ANO4: variants seen among roughly 807,000 people sequenced by gnomAD.
ANO4 encodes anoctamin 4, also known as anoctamin-4.
Under a neutral mutation model 141.9 loss-of-function variants are expected in ANO4, and 69 were observed. The ratio of observed to expected loss-of-function variants is 0.49; its 90% CI spans 0.40 to 0.59. The LOEUF is 0.59. Ranked by LOEUF, ANO4 falls within the 20% of genes least tolerant of loss-of-function variation. The pLI is 0.00. For missense variants in ANO4, 894 were observed against 1,162.2 expected, an observed-to-expected ratio of 0.77 and a Z score of 3.36; for synonymous variants, 350 against 394.3, an observed-to-expected ratio of 0.89 and a Z score of 1.33.
At chr12:100,946,660 T>C (rs2042736583) in intron 5 of ANO4, among the ~76,000 whole-genome samples, 1 of 152,112 alleles carries the variant, frequency 6.6e-6, no homozygotes, top group African/African-American at 2.4e-5. Context: ...CCAATGGAGA[T>C]GTTGGGTAAG....
chr12:100,784,846 T>TG (rs1405076150), intron 3 of ANO4, among the ~76,000 whole-genome samples: 1 of 152,226 alleles, frequency 6.6e-6, no homozygotes, highest in African/African-American at 2.4e-5. Context: ...AGCAGGGCTA[T>TG]GCCGTTTGTC....
In ANO4 at chr12:101,110,491, G is replaced by A. The variant is rs748414275; in HGVS notation, c.2237G>A (p.Arg746Gln). Residue 746 changes from arginine to glutamine, a missense_variant, in exon 23 of 28, where the codon CGA (arginine) becomes CAA (glutamine). By Grantham distance (43) the Arg-to-Gln change is conservative. Coordinates refer to ENST00000392977, the MANE Select transcript of ANO4 (RefSeq NM_001286615.2). The stretch of plus-strand genomic sequence containing the variant: ...TTACTGAATAACATAATTGAAATTC[G>A]ACTTGATGCTTACAAATTTGTCACA... ...LALLNNIIEI[R>Q]LDAYKFVTQW... 9.9e-6 allele frequency: 16 copies of A among 1,611,208 alleles called. No homozygotes were observed. The highest frequency in any genetic ancestry group is 4.4e-5 in the South Asian group (4 of 90,396).
chr12:101,025,820 G>T (rs778098465), intron 9 of ANO4, among the ~76,000 whole-genome samples: 1 of 152,028 alleles, frequency 6.6e-6, no homozygotes, highest in Non-Finnish European at 1.5e-5. Flanking sequence ...AACTAAAAAA[G>T]AAAAACCATA....
chr12:100,968,390 C>G (rs1488683515), intron 5 of ANO4, among the ~76,000 whole-genome samples: 3 of 152,152 alleles, frequency 2.0e-5, no homozygotes, highest in Non-Finnish European at 4.4e-5. Flanking sequence ...CTAACACTTA[C>G]AGTAAATCTA....
intron 1 of ANO4, among the ~76,000 whole-genome samples, chr12:100,724,963 A>T (rs2031043299): frequency 6.6e-6 from 1 of 152,316 alleles, no homozygotes; most frequent in South Asian, 2.1e-4. Context: ...AACAATTTAG[A>T]TTGCTTTTTA....
intron 8 of ANO4, among the ~76,000 whole-genome samples, chr12:100,989,086 G>A (rs1185988549): frequency 6.6e-6 from 1 of 152,052 alleles, no homozygotes; most frequent in Non-Finnish European, 1.5e-5. Flanking sequence ...CTAATGCAGG[G>A]GAAGCAACTC....
At chr12:101,048,058 G>A (rs1289778938) in intron 13 of ANO4, 5 of 1,187,350 alleles carry the variant, frequency 4.2e-6, no homozygotes, top group Non-Finnish European at 5.3e-6. Context: ...GTTTTGTTGT[G>A]CACAAAAGGG....
At chr12:100,921,672 C>T (rs191014613) in intron 2 of ANO4, among the ~76,000 whole-genome samples, 189 of 152,160 alleles carry the variant, frequency 1.2e-3, no homozygotes, top group Non-Finnish European at 2.2e-3. Flanking sequence ...AAACCTAGAA[C>T]AAGAGGCTTA....
chr12:100,905,969 CTGAGAA>C (rs1313475535), intron 2 of ANO4, among the ~76,000 whole-genome samples: 1 of 151,954 alleles, frequency 6.6e-6, no homozygotes, highest in Non-Finnish European at 1.5e-5. Flanking sequence ...AAGGTCATCT[CTGAGAA>C]TGAGAATGGA....
At chr12:100,919,963 G>A (rs75875565) in intron 2 of ANO4, among the ~76,000 whole-genome samples, 6,756 of 151,078 alleles carry the variant, frequency 0.045, 211 homozygotes, top group Non-Finnish European at 0.064. Context: ...AATTATTAAA[G>A]GTTTTTGGAA....
At chr12:100,752,092 T>A (rs116721217) in intron 3 of ANO4, among the ~76,000 whole-genome samples, 103 of 152,324 alleles carry the variant, frequency 6.8e-4, no homozygotes, top group African/African-American at 2.4e-3. Context: ...ATAGGCAAAG[T>A]GTTTTTCAAA....
chr12:100,735,557 A>G (rs1240573751), intron 2 of ANO4, among the ~76,000 whole-genome samples: 1 of 152,132 alleles, frequency 6.6e-6, no homozygotes, highest in East Asian at 1.9e-4. Context: ...TGGTGTTGTA[A>G]CAGAGTTAGT....
intron 7 of ANO4, among the ~76,000 whole-genome samples, chr12:100,978,994 G>A (rs1396321449): frequency 6.6e-6 from 1 of 152,182 alleles, no homozygotes; most frequent in Non-Finnish European, 1.5e-5. Flanking sequence ...AGCGAGGGGA[G>A]TGTATGGAAT....
chr12:101,029,375 A>G (rs1242897179), intron 9 of ANO4, among the ~76,000 whole-genome samples: 1 of 152,152 alleles, frequency 6.6e-6, no homozygotes, highest in African/African-American at 2.4e-5. Context: ...CAATTAAAAG[A>G]CAGACAGGAA....
At chr12:101,004,276 A>G (rs2045779680) in intron 8 of ANO4, among the ~76,000 whole-genome samples, 1 of 152,024 alleles carries the variant, frequency 6.6e-6, no homozygotes, top group Admixed American at 6.6e-5. Flanking sequence ...GGGTTATCGG[A>G]ACCAAGATGC....
At chr12:100,994,497 T>C (rs2136367419) in intron 8 of ANO4, among the ~76,000 whole-genome samples, 1 of 152,328 alleles carries the variant, frequency 6.6e-6, no homozygotes, top group South Asian at 2.1e-4. Context: ...TTATAATAGA[T>C]ATACAGGACA....
intron 14 of ANO4, among the ~76,000 whole-genome samples, chr12:101,052,938 G>A (rs962757151): frequency 6.6e-6 from 1 of 152,206 alleles, no homozygotes; most frequent in Non-Finnish European, 1.5e-5. Context: ...CTGATAAGGT[G>A]TGGAGCCTAA....
chr12:101,094,317 T>C, intron 18 of ANO4, 25 bp downstream of exon 18: 1 of 1,592,750 alleles, frequency 6.3e-7, no homozygotes, highest in Non-Finnish European at 8.6e-7. Context: ...TTCTATTTCA[T>C]AGAACTGTAC....
intron 1 of ANO4, among the ~76,000 whole-genome samples, chr12:100,817,890 T>G (rs1439159783): frequency 6.6e-6 from 1 of 151,920 alleles, no homozygotes; most frequent in Non-Finnish European, 1.5e-5. Context: ...AATTCATTAA[T>G]TTTTTTGTTT....
Sources: allele counts gnomAD v4.1 joint callset (sites outside exome capture counted in the v4.1 genomes callset), GRCh38; gene constraint gnomAD v4.1.1; transcripts MANE v1.5; gene names NCBI Gene and HGNC (gene_info 2026-07-23, HGNC 2026-07-21).